SCN11A: variants seen among roughly 807,000 people sequenced by gnomAD.
The protein encoded by SCN11A is sodium voltage-gated channel alpha subunit 11, also known as sodium channel protein type 11 subunit alpha.
SCN11A carries 122 observed loss-of-function variants against 162.2 expected under a neutral mutation model. The ratio of observed to expected loss-of-function variants is 0.75; its 90% CI spans 0.65 to 0.87. The LOEUF is 0.87. Ranked by LOEUF, SCN11A falls within the 40% of genes least tolerant of loss-of-function variation. The pLI, the probability that SCN11A is intolerant of heterozygous loss-of-function variation, is 0.00. For missense variants in SCN11A, 2,015 were observed against 2,181.6 expected (o/e 0.92, Z 1.52); for synonymous variants, 758 against 751.5 (o/e 1.01, Z -0.14).
At chr3:38,963,850 A>C (rs2066763575) in intron 2 of SCN11A, among the ~76,000 whole-genome samples, 1 of 152,140 alleles carries the variant, frequency 6.6e-6, no homozygotes, top group Non-Finnish European at 1.5e-5. Context: ...ACCAAATACC[A>C]CCTGTACCCC....
chr3:38,921,279 G>C (rs2066048380), intron 9 of SCN11A, 24 bp from the exon 10 acceptor site: 2 of 1,608,476 alleles, frequency 1.2e-6, no homozygotes, highest in Admixed American at 1.7e-5. Flanking sequence ...CAGGCTTGGG[G>C]AGAAGCCCAT....
At chr3:38,932,294 G>T (rs1364719998) in intron 7 of SCN11A, among the ~76,000 whole-genome samples, 1 of 152,178 alleles carries the variant, frequency 6.6e-6, no homozygotes, top group Admixed American at 6.5e-5. Flanking sequence ...CGTGAGCGAC[G>T]CAGAAGATGG....
chr3:38,949,967 A>G, intron 5 of SCN11A, 129 bp downstream of exon 5: 1 of 644,054 alleles, frequency 1.6e-6, no homozygotes, highest in Admixed American at 2.9e-5. Context: ...AGGGGATGAC[A>G]GCAAAGAAGA....
chr3:38,850,734 G>C lies in SCN11A; in HGVS notation c.4074C>G (p.Leu1358=), dbSNP rs149652605. Residue 1358 remains leucine (L), a synonymous_variant, in exon 29 of 30, where the codon CTC becomes CTG. Coordinates refer to ENST00000302328, the MANE Select transcript of SCN11A (RefSeq NM_001349253.2). ...TCTGGCTTGTGACTATGTCGAACAC[G>C]AGACCTTGACATTTGTTCTGAGAAA... is the stretch of plus-strand genomic sequence containing the variant. ...IPRPLNKCQG[L]VFDIVTSQIF... The C allele has an allele frequency of 6.2e-7, 1 of 1,606,176 alleles. No individual in the cohort carries two copies. Among genetic ancestry groups the C allele is most frequent in the African/African-American group, 1.3e-5 (1 of 74,706 alleles).
chr3:38,899,774 G>T, intron 17 of SCN11A, 120 bp downstream of exon 17: 1 of 736,658 alleles, frequency 1.4e-6, no homozygotes, highest in Non-Finnish European at 2.2e-6. Context: ...GTGCAGTTTT[G>T]GTTCTGGGGT....
At chr3:38,900,410 T>G (rs2065680525) in intron 16 of SCN11A, among the ~76,000 whole-genome samples, 1 of 152,254 alleles carries the variant, frequency 6.6e-6, no homozygotes, top group South Asian at 2.1e-4. Flanking sequence ...AGGCAATTTC[T>G]CCTCTGAATT....
chr3:38,870,633 G>T, intron 26 of SCN11A, 58 bp downstream of exon 26: 1 of 1,447,216 alleles, frequency 6.9e-7, no homozygotes, highest in Non-Finnish European at 9.7e-7. Context: ...TGTCCATGTA[G>T]TCATGATATC....
In SCN11A at chr3:38,867,970, C is replaced by T. The variant is rs79186276; in HGVS notation, c.3814-512G>A. Among the ~76,000 whole-genome samples, 722 of 152,180 alleles carry T rather than the reference C, an allele frequency of 4.7e-3. 2 individuals are homozygous for T. The highest frequency in any genetic ancestry group is 6.8e-3 in the Middle Eastern group (2 of 294). On this transcript the variant is annotated intron_variant, in intron 26 of 29. Coordinates refer to ENST00000302328, the MANE Select transcript of SCN11A (RefSeq NM_001349253.2). ...CTTAACTTCCTAGTGCCTAGCATAC[C>T]TTCTGATATGTAGATTTTTGATACA...
intron 2 of SCN11A, among the ~76,000 whole-genome samples, chr3:38,987,078 C>T (rs1369200208): frequency 1.3e-5 from 2 of 152,024 alleles, no homozygotes; most frequent in African/African-American, 4.8e-5. Context: ...GTGAAACCAC[C>T]CCAAACACAG....
intron 2 of SCN11A, among the ~76,000 whole-genome samples, chr3:39,008,662 G>A (rs2031042552): frequency 6.6e-6 from 1 of 152,190 alleles, no homozygotes; most frequent in Non-Finnish European, 1.5e-5. Flanking sequence ...GCCGAGGTGG[G>A]TGGATCACCT....
chr3:38,962,362 A>T (rs11715262), intron 2 of SCN11A, among the ~76,000 whole-genome samples: 71,269 of 151,776 alleles, frequency 0.47, 19,519 homozygotes, highest in African/African-American at 0.78. Context: ...TCTTTTTTGG[A>T]TCCATATGGA....
rs7429404 is a variant in SCN11A at position 38,910,262 on chromosome 3, T to C, written c.960-55A>G. 0.89 allele frequency: 1,374,735 copies of C among 1,552,658 alleles called. 609,200 individuals carry two copies. The highest frequency in any genetic ancestry group is 0.91 in the African/African-American group (66,743 of 73,022). ...TTATGTACGCCACAGCCAAGCTTCT[T>C]TTTCCTTCCAACGACTCTGGTTTTT... On this transcript the variant is annotated intron_variant, in intron 11 of 29. Transcript: ENST00000302328.
At chr3:39,028,541 CCT>C (rs1448140566) in intron 2 of SCN11A, among the ~76,000 whole-genome samples, 9 of 152,118 alleles carry the variant, frequency 5.9e-5, no homozygotes, top group Admixed American at 5.9e-4. Context: ...GCTGTCTTGT[CCT>C]GTTTTCTGTT....
At position 38,982,503 on chromosome 3, in the gene SCN11A, G is replaced by A. The variant is rs571980652; in HGVS notation, c.-279-22080C>T. 5.3e-5 allele frequency among the ~76,000 whole-genome samples: 8 copies of A among 152,290 alleles called. No individual in the cohort carries two copies. The South Asian group carries it at 1.5e-3, about 28-fold the overall frequency. ...GTCTGAGATTATGTAATACAGCCCTGCCGAGCTAATAAGGCAGGGTGGGGA... is the reference window on the plus strand; with the variant it reads ...GTCTGAGATTATGTAATACAGCCCTACCGAGCTAATAAGGCAGGGTGGGGA... On this transcript the variant is annotated intron_variant, in intron 2 of 29. Transcript: ENST00000302328.
At chr3:38,877,114 CTATATATATGGTGTATATA>C (rs1559501662) in intron 23 of SCN11A, among the ~76,000 whole-genome samples, 88 of 86,108 alleles carry the variant, frequency 1.0e-3, no homozygotes, top group African/African-American at 2.2e-3. Flanking sequence ...GGTGTATATA[CTATATATATGGTGTATATA>C]CTATATATAT....
rs1280407115 is a variant in SCN11A, at chr3:38,926,864, C to G, written c.556G>C (p.Asp186His). Residue 186 changes from aspartate (D) to histidine (H), a missense_variant, in exon 8 of 30, where the codon GAT becomes CAT. Asp to His is a moderately conservative substitution (Grantham distance 81). Coordinates refer to ENST00000302328, the MANE Select transcript of SCN11A (RefSeq NM_001349253.2). The stretch of plus-strand genomic sequence containing the variant: ...GGATCTCGAAGGAAAGAAAACTCAT[C>G]CAGAATGAAACCTCTTGCCAATATT... ...IKILARGFIL[D>H]EFSFLRDPWN... 6.2e-7 allele frequency: 1 copy of G among 1,613,014 alleles called. No individual in the cohort carries two copies. Among genetic ancestry groups the G allele is most frequent in the East Asian group, 2.2e-5 (1 of 44,876 alleles).
intron 11 of SCN11A, among the ~76,000 whole-genome samples, chr3:38,911,877 T>C (rs190485057): frequency 6.6e-6 from 1 of 152,312 alleles, no homozygotes; most frequent in Admixed American, 6.5e-5. Context: ...TTCAGAGCCC[T>C]TTCTGGTTCT....
chr3:38,945,651 A>T (rs2125573092), intron 6 of SCN11A, 139 bp from the exon 7 acceptor site: 1 of 534,200 alleles, frequency 1.9e-6, no homozygotes, highest in South Asian at 3.0e-5. Context: ...GATGAGAACA[A>T]CTCACAACTG....
intron 28 of SCN11A, among the ~76,000 whole-genome samples, chr3:38,862,404 A>G (rs1026652903): frequency 2.0e-5 from 3 of 152,244 alleles, no homozygotes; most frequent in African/African-American, 7.2e-5. Context: ...ACCCAAAGGA[A>G]AAGAAATTAC....
Sources: allele counts gnomAD v4.1 joint callset (sites outside exome capture counted in the v4.1 genomes callset), GRCh38; gene constraint gnomAD v4.1.1; transcripts MANE v1.5; gene names NCBI Gene and HGNC (gene_info 2026-07-23, HGNC 2026-07-21).